The following AQP7 variants were observed in gnomAD, a reference collection of about 807,000 sequenced individuals.
The protein encoded by AQP7 is aquaporin 7.
Under a neutral mutation model 26.1 loss-of-function variants are expected in AQP7, and 22 were observed. The observed-to-expected ratio is 0.84, with a 90% CI of 0.60 to 1.20. AQP7 has a LOEUF of 1.20. Among genes scored for constraint, AQP7 ranks in the 50% most tolerant of loss-of-function variants. AQP7 has a pLI of 0.00. For missense variants in AQP7, 412 were observed against 457.5 expected (o/e 0.90, Z 0.91); for synonymous variants, 167 against 181.7 (o/e 0.92, Z 0.65).
chr9:33,394,933 C>G (rs1245361591), intron 3 of AQP7, 145 bp downstream of exon 3: 2 of 717,700 alleles, frequency 2.8e-6, no homozygotes, highest in South Asian at 1.8e-5. Context: ...AGAAAGCCCC[C>G]CCTCCTTACT....
chr9:33,394,447 A>C (rs979639086), intron 3 of AQP7, among the ~76,000 whole-genome samples: 36 of 150,074 alleles, frequency 2.4e-4, no homozygotes, highest in African/African-American at 8.1e-4. Flanking sequence ...ATTCATTATC[A>C]GAGCCCGATC....
rs1434713433 is a variant in AQP7 at position 33,383,271 on chromosome 9, A to G, written c.*1734T>C. 1 of 152,238 alleles carries G rather than the reference A, an allele frequency of 6.6e-6. No homozygotes were observed. Among genetic ancestry groups the G allele is most frequent in the East Asian group, 1.9e-4 (1 of 5,200 alleles). The allele number at this position is 152,238 out of a possible 1,614,324, so 9.4% of individuals were successfully genotyped here. A position where few individuals can be genotyped will look rare whatever the true frequency, so the allele number is the denominator to read the frequency against. The stretch of plus-strand genomic sequence containing the variant: ...TCTTATCGCCATTTTACAAATAAGA[A>G]GACCAAGGCCCAGAAGGGTTGAATA... On this transcript the variant is annotated 3_prime_UTR_variant, in exon 8 of 8. Transcript: ENST00000297988.
intron 2 of AQP7, among the ~76,000 whole-genome samples, chr9:33,398,216 C>A (rs1262596095): frequency 6.6e-6 from 1 of 151,344 alleles, no homozygotes; most frequent in Non-Finnish European, 1.5e-5. Flanking sequence ...CAAAGGCCTG[C>A]AGCTAAGGCA....
chr9:33,384,875 A>G lies in AQP7; in HGVS notation c.*130T>C, dbSNP rs1226235352. The G allele has an allele frequency of 1.8e-6, 2 of 1,119,054 alleles. No individual in the cohort carries two copies. Among genetic ancestry groups the G allele is most frequent in the Non-Finnish European group, 2.6e-6 (2 of 778,750 alleles). The allele number at this position is 1,119,054 out of a possible 1,614,324, so 69.3% of individuals were successfully genotyped here. On this transcript the variant is annotated 3_prime_UTR_variant, in exon 8 of 8. Transcript: ENST00000297988. Reference sequence around the variant, plus strand: ...TCACCTCTACACCTTGGGCTAAGACATAGCCCTGGAGCTCCTGTAAGAACC... The same window carrying G: ...TCACCTCTACACCTTGGGCTAAGACGTAGCCCTGGAGCTCCTGTAAGAACC...
intron 3 of AQP7, among the ~76,000 whole-genome samples, chr9:33,389,801 C>T (rs894299916): frequency 1.3e-5 from 2 of 151,958 alleles, no homozygotes; most frequent in African/African-American, 4.8e-5. Context: ...CTTTGGGAGG[C>T]CGAGGTGGAT....
intron 3 of AQP7, among the ~76,000 whole-genome samples, chr9:33,392,650 C>G (rs1009277039): frequency 6.6e-6 from 1 of 152,174 alleles, no homozygotes. Flanking sequence ...GGTTAACAGC[C>G]CTCATGGGGC....
chr9:33,384,571 T>G lies in AQP7; in HGVS notation c.*434A>C, dbSNP rs2247654. The G allele has an allele frequency of 0.17, 26,996 of 157,742 alleles. 2,432 individuals are homozygous for G. The highest frequency in any genetic ancestry group is 0.22 in the Middle Eastern group (71 of 318). The allele number at this position is 157,742 out of a possible 1,614,324, so 9.8% of individuals were successfully genotyped here. On this transcript the variant is annotated 3_prime_UTR_variant, in exon 8 of 8. Coordinates refer to ENST00000297988, the MANE Select transcript of AQP7 (RefSeq NM_001170.3). ...TGATCTACATTCTTGGGCCTTGCCT[T>G]GTCTGGTCCAAGAACCGGCCAGAAC...
intron 7 of AQP7, 24 bp from the exon 8 acceptor site, chr9:33,385,314 G>C (rs751277502): frequency 6.3e-7 from 1 of 1,593,726 alleles, no homozygotes; most frequent in Non-Finnish European, 8.5e-7. Flanking sequence ...GCAGAGGCCT[G>C]CTGAGGGGGC....
At chr9:33,400,279 G>A (rs1199887214) in intron 2 of AQP7, among the ~76,000 whole-genome samples, 1 of 152,150 alleles carries the variant, frequency 6.6e-6, no homozygotes, top group Non-Finnish European at 1.5e-5. Context: ...GAAAAAAACA[G>A]AGCAAGGAGA....
intron 2 of AQP7, among the ~76,000 whole-genome samples, chr9:33,397,137 T>C (rs951194177): frequency 1.3e-5 from 2 of 150,524 alleles, no homozygotes; most frequent in African/African-American, 2.5e-5. Context: ...TAATAATTAA[T>C]TAACGGTTTT....
chr9:33,390,177 T>C (rs1393561215), intron 3 of AQP7, among the ~76,000 whole-genome samples: 1 of 152,060 alleles, frequency 6.6e-6, no homozygotes. Context: ...TTTCATTTTG[T>C]GTTGTTTTCA....
intron 3 of AQP7, among the ~76,000 whole-genome samples, chr9:33,387,831 T>C (rs562101317): frequency 5.3e-5 from 8 of 151,984 alleles, no homozygotes; most frequent in African/African-American, 1.7e-4. Context: ...ACTGATCGGC[T>C]CCCACACACT....
Position 33,387,097 on chromosome 9 carries a change from A to T in AQP7, c.145-5T>A. The T allele has an allele frequency of 6.2e-7, 1 of 1,611,404 alleles. No individual in the cohort carries two copies. Among genetic ancestry groups the T allele is most frequent in the African/African-American group, 1.3e-5 (1 of 74,948 alleles). ...CACGGAACCAAGGCCGAATACCTAC[A>T]AGGGAGGGCCTCTAAGGGGGCTGCC... On this transcript the variant is annotated splice_polypyrimidine_tract_variant and splice_region_variant and intron_variant, in intron 3 of 7. Transcript: ENST00000297988.
At chr9:33,392,729 T>G (rs1019798533) in intron 3 of AQP7, among the ~76,000 whole-genome samples, 56 of 152,224 alleles carry the variant, frequency 3.7e-4, no homozygotes, top group Middle Eastern at 3.4e-3. Context: ...ACTGCTGTCC[T>G]CACAGCTCAG....
intron 3 of AQP7, among the ~76,000 whole-genome samples, chr9:33,388,459 T>G (rs539558013): frequency 6.6e-6 from 1 of 152,208 alleles, no homozygotes; most frequent in Non-Finnish European, 1.5e-5. Context: ...CCTCCACTTC[T>G]AGGATAAAGT....
intron 3 of AQP7, among the ~76,000 whole-genome samples, chr9:33,392,906 GT>G (rs1825539748): frequency 6.6e-6 from 1 of 152,180 alleles, no homozygotes; most frequent in Admixed American, 6.5e-5. Context: ...CCAGTTTGAT[GT>G]TAGTGCTCCT....
In AQP7 at chr9:33,384,675, A is replaced by G. The variant is rs2989928; in HGVS notation, c.*330T>C. The G allele has an allele frequency of 9.4e-6, 2 of 212,120 alleles. No individual in the cohort carries two copies. Among genetic ancestry groups the G allele is most frequent in the African/African-American group, 2.3e-5 (1 of 43,326 alleles). 13.1% of individuals were successfully genotyped at this position (212,120 alleles called of 1,614,324 possible). A position where few individuals can be genotyped will look rare whatever the true frequency, so the allele number is the denominator to read the frequency against. On this transcript the variant is annotated 3_prime_UTR_variant, in exon 8 of 8. Transcript: ENST00000297988. ...CAAAGTATTTCCAAAGCCGGCCCCC[A>G]ACCAGTCAGCTACGGTCTGTTCCCC...
rs779591717 is a variant in AQP7 at position 33,395,253 on chromosome 9, A to G, written c.27-58T>C. 22 of 1,460,930 alleles carry G rather than the reference A, an allele frequency of 1.5e-5. 1 individual carries two copies. The highest frequency in any genetic ancestry group is 1.8e-4 in the Middle Eastern group (1 of 5,678). The allele number at this position is 1,460,930 out of a possible 1,614,324, so 90.5% of individuals were successfully genotyped here. On this transcript the variant is annotated intron_variant, in intron 2 of 7. Transcript: ENST00000297988. ...GGAGACTCAAGTCTGCCTGCTGCCCATCGGCTCTTCAACTCCCAGCTGAGT... is the reference window on the plus strand; with the variant it reads ...GGAGACTCAAGTCTGCCTGCTGCCCGTCGGCTCTTCAACTCCCAGCTGAGT...
At chr9:33,401,440 T>C (rs1342485252) in intron 1 of AQP7, 153 bp from the exon 2 acceptor site, 1 of 670,814 alleles carries the variant, frequency 1.5e-6, no homozygotes, top group Non-Finnish European at 2.6e-6. Context: ...GGAGGAGCGG[T>C]GCTCAGCCAA....
Sources: allele counts gnomAD v4.1 joint callset (sites outside exome capture counted in the v4.1 genomes callset), GRCh38; gene constraint gnomAD v4.1.1; transcripts MANE v1.5; gene names NCBI Gene and HGNC (gene_info 2026-07-23, HGNC 2026-07-21).